Variants in ZNF362 observed in about 807,000 individuals in gnomAD.
ZNF362 encodes the protein zinc finger protein 362.
In ZNF362, 11 loss-of-function variants were observed where a neutral mutation model predicts 42.9. That is an observed-to-expected ratio of 0.26 (90% CI 0.16 to 0.42). ZNF362 has a LOEUF of 0.42. Among genes scored for constraint, ZNF362 ranks in the 20% least tolerant of loss-of-function variants. ZNF362 has a pLI of 1.00. For synonymous variants in ZNF362, 255 were observed against 257.3 expected (o/e 0.99, Z 0.09); for missense variants, 362 against 576.2 (o/e 0.63, Z 3.81).
chr1:33,177,160 A>G, the ZNF362 span, among the ~76,000 whole-genome samples: 1 of 152,214 alleles, frequency 6.6e-6, no homozygotes, highest in South Asian at 2.1e-4. This position sits in a 1 kb window ranked among gnomAD's most constrained non-coding sequence, Gnocchi z 4.1. Flanking sequence ...CACAGGTTAC[A>G]TAAAAATCCT....
chr1:33,158,534 A>G, the ZNF362 span, among the ~76,000 whole-genome samples: 1 of 152,206 alleles, frequency 6.6e-6, no homozygotes, highest in Non-Finnish European at 1.5e-5. Context: ...TGGCCTCTCT[A>G]ACCATTCCCT....
chr1:33,186,000 A>T, the ZNF362 span, among the ~76,000 whole-genome samples: 1 of 152,148 alleles, frequency 6.6e-6, no homozygotes, highest in Non-Finnish European at 1.5e-5. Flanking sequence ...TATTTTTGTA[A>T]TCAGAAAAAA....
rs1365978954 is a variant in ZNF362 at position 33,300,109 on chromosome 1, A to C, written c.*1063A>C. 1 of 152,498 alleles carries C rather than the reference A, an allele frequency of 6.6e-6. No homozygotes were observed. Among genetic ancestry groups the C allele is most frequent in the African/African-American group, 2.4e-5 (1 of 41,412 alleles). The allele number at this position is 152,498 out of a possible 1,614,324, so 9.4% of individuals were successfully genotyped here. A position where few individuals can be genotyped will look rare whatever the true frequency, so the allele number is the denominator to read the frequency against. ...AGCCATGCGTGTCGGTGTATATAGG[A>C]ACCATGTACAGAGCCCAGAGAAGCC... On this transcript the variant is annotated 3_prime_UTR_variant, in exon 9 of 9. Transcript: ENST00000539719.
At chr1:33,160,006 G>C in the ZNF362 span, 73 of 1,570,476 alleles carry the variant, frequency 4.6e-5, no homozygotes, top group Non-Finnish European at 6.0e-5. Flanking sequence ...CTCTGGGTGA[G>C]AGGAGGAAAT....
chr1:33,136,313 T>TTTCTTTTTCTTTCTTTCC, the ZNF362 span, among the ~76,000 whole-genome samples: 1 of 147,080 alleles, frequency 6.8e-6, no homozygotes, highest in Non-Finnish European at 1.5e-5. Context: ...TCTTTCTTTC[T>TTTCTTTTTCTTTCTTTCC]TTCTTTTTCT....
At chr1:33,229,837 C>T in the ZNF362 span, among the ~76,000 whole-genome samples, 2 of 152,160 alleles carry the variant, frequency 1.3e-5, no homozygotes, top group African/African-American at 4.8e-5. Context: ...CCTCCCTCTG[C>T]TCTCTGTCCA....
At chr1:33,288,243 G>T (rs1646046049) in intron 6 of ZNF362, among the ~76,000 whole-genome samples, 1 of 152,212 alleles carries the variant, frequency 6.6e-6, no homozygotes, top group African/African-American at 2.4e-5. Flanking sequence ...TGAGTGCAGA[G>T]CACCAAGAAG....
intron 6 of ZNF362, among the ~76,000 whole-genome samples, chr1:33,291,997 G>A (rs886586711): frequency 9.4e-5 from 14 of 149,062 alleles, no homozygotes; most frequent in Admixed American, 4.1e-4. Flanking sequence ...TAGATATACA[G>A]TCATGTCATC....
the ZNF362 span, among the ~76,000 whole-genome samples, chr1:33,175,295 G>A: frequency 2.0e-5 from 3 of 151,946 alleles, no homozygotes; most frequent in African/African-American, 7.3e-5. Flanking sequence ...GCCTGCCTTG[G>A]CCTCCTGAAG....
At chr1:33,209,153 C>T in the ZNF362 span, among the ~76,000 whole-genome samples, 22 of 152,244 alleles carry the variant, frequency 1.4e-4, no homozygotes, top group African/African-American at 5.1e-4. Context: ...TTGTCAAAGG[C>T]CTTTTCTGCA....
the ZNF362 span, among the ~76,000 whole-genome samples, chr1:33,135,041 C>T: frequency 2.0e-5 from 3 of 152,216 alleles, no homozygotes; most frequent in Non-Finnish European, 4.4e-5. Context: ...AATCCCAGCA[C>T]TTTGGGAGCC....
At chr1:33,292,660 G>T (rs983137563) in intron 6 of ZNF362, among the ~76,000 whole-genome samples, 1 of 152,204 alleles carries the variant, frequency 6.6e-6, no homozygotes, top group Non-Finnish European at 1.5e-5. Flanking sequence ...GCTCCTCCTT[G>T]TACCTCTGGT....
the ZNF362 span, among the ~76,000 whole-genome samples, chr1:33,218,932 T>TAC: frequency 5.9e-3 from 710 of 121,058 alleles, 10 homozygotes; most frequent in African/African-American, 0.019. Flanking sequence ...GAGCTGGACA[T>TAC]ACACACACAC....
the ZNF362 span, chr1:33,146,875 C>G: frequency 2.4e-6 from 1 of 412,562 alleles, no homozygotes; most frequent in Non-Finnish European, 4.5e-6. Flanking sequence ...AAGGTAGTCC[C>G]CTGCCCCTGA....
At chr1:33,135,617 CCTGTCCCTCA>C in the ZNF362 span, among the ~76,000 whole-genome samples, 1 of 152,240 alleles carries the variant, frequency 6.6e-6, no homozygotes, top group African/African-American at 2.4e-5. Flanking sequence ...TTGCCAGCCT[CCTGTCCCTCA>C]AACATGCTGT....
chr1:33,184,400 A>C, the ZNF362 span, among the ~76,000 whole-genome samples: 2 of 152,244 alleles, frequency 1.3e-5, no homozygotes, highest in Non-Finnish European at 2.9e-5. Flanking sequence ...GTAGAGTAGC[A>C]GTCGGAGGAA....
At chr1:33,238,318 C>CAAAATAAAAT in the ZNF362 span, among the ~76,000 whole-genome samples, 9 of 11,894 alleles carry the variant, frequency 7.6e-4, no homozygotes, top group East Asian at 0.013. Context: ...GGCTCCGTCT[C>CAAAATAAAAT]AAAATAACAT....
chr1:33,201,429 CAT>C, the ZNF362 span, among the ~76,000 whole-genome samples: 1 of 152,054 alleles, frequency 6.6e-6, no homozygotes, highest in Non-Finnish European at 1.5e-5. Flanking sequence ...GAACTCAAGT[CAT>C]ATAAAGTATA....
At chr1:33,255,348 GA>G (rs1179380888), upstream of ZNF362, among the ~76,000 whole-genome samples, 1 of 152,258 alleles carries the variant, frequency 6.6e-6, no homozygotes, top group Non-Finnish European at 1.5e-5. Flanking sequence ...GCTGGCAGAT[GA>G]TTGTTTATCT....
Sources: gnomAD v4.1 joint callset for allele counts (sites outside exome capture counted in the v4.1 genomes callset) on GRCh38, gnomAD v4.1.1 for gene constraint, Gnocchi (gnomAD v3.1) non-coding constraint, MANE v1.5 for transcripts, NCBI Gene and HGNC (gene_info 2026-07-23, HGNC 2026-07-21) for gene names.